The following EIF4E3 variants were observed in gnomAD, a reference collection of about 807,000 sequenced individuals.
EIF4E3 encodes the protein eukaryotic translation initiation factor 4E family member 3, also known as eukaryotic translation initiation factor 4E type 3.
Under a neutral mutation model 31.7 loss-of-function variants are expected in EIF4E3, and 26 were observed. The ratio of observed to expected loss-of-function variants is 0.82; its 90% CI spans 0.60 to 1.14. EIF4E3 has a LOEUF of 1.14. EIF4E3 is among the 50% of genes most tolerant of loss of function. EIF4E3 has a pLI of 0.00. For missense variants in EIF4E3, 304 were observed against 270.9 expected (o/e 1.12, Z -0.86); for synonymous variants, 128 against 107.7 (o/e 1.19, Z -1.17).
In EIF4E3 at chr3:71,725,190, A is replaced by G. The variant is rs1298231478; in HGVS notation, c.176+2T>C. 2 of 1,106,310 alleles carry G rather than the reference A, an allele frequency of 1.8e-6. No homozygotes were observed. Among genetic ancestry groups the G allele is most frequent in the Non-Finnish European group, 2.2e-6 (2 of 908,244 alleles). The allele number at this position is 1,106,310 out of a possible 1,614,324, so 68.5% of individuals were successfully genotyped here. A position where few individuals can be genotyped will look rare whatever the true frequency, so the allele number is the denominator to read the frequency against. ...TGCGCGGCGGGCCCCGCGCCCCCTC[A>G]CCTGTCGAGCCAGAAGGTCCAGGAC... is the stretch of plus-strand genomic sequence containing the variant. On this transcript the variant is annotated splice_donor_variant, in intron 1 of 6. Transcript: ENST00000425534. LOFTEE classifies it high-confidence loss of function. The surrounding 1 kb of genome is among the most constrained non-coding windows in gnomAD (Gnocchi z 6.1).
chr3:71,720,946 T>A (rs924264047), intron 1 of EIF4E3, among the ~76,000 whole-genome samples: 1 of 152,006 alleles, frequency 6.6e-6, no homozygotes, highest in African/African-American at 2.4e-5. Flanking sequence ...AGAAAGAAGA[T>A]TCAAGGATCA....
At chr3:71,659,585 G>GA in the EIF4E3 span, among the ~76,000 whole-genome samples, 1 of 152,176 alleles carries the variant, frequency 6.6e-6, no homozygotes, top group Non-Finnish European at 1.5e-5. Flanking sequence ...GGTGGAAGGA[G>GA]AAAGCGTGTC....
At chr3:71,712,922 C>T (rs1441112283) in intron 1 of EIF4E3, among the ~76,000 whole-genome samples, 2 of 151,218 alleles carry the variant, frequency 1.3e-5, no homozygotes, top group African/African-American at 4.9e-5. Context: ...CCTCCGTCTC[C>T]ACAGTCTGGT....
intron 3 of EIF4E3, among the ~76,000 whole-genome samples, chr3:71,698,509 C>A (rs1333503922): frequency 6.6e-6 from 1 of 152,178 alleles, no homozygotes; most frequent in Non-Finnish European, 1.5e-5. Context: ...CTCTAAAGAG[C>A]CACTTGCCCC....
At chr3:71,661,710 T>A in the EIF4E3 span, among the ~76,000 whole-genome samples, 1 of 152,332 alleles carries the variant, frequency 6.6e-6, no homozygotes, top group African/African-American at 2.4e-5. Context: ...ACAGGCATGA[T>A]AGACATCCTG....
At chr3:71,707,657 G>A (rs2049313005) in intron 2 of EIF4E3, among the ~76,000 whole-genome samples, 1 of 151,844 alleles carries the variant, frequency 6.6e-6, no homozygotes, top group African/African-American at 2.4e-5. Flanking sequence ...AATCACCTAT[G>A]ACGAAATTTT....
chr3:71,684,582 C>A lies in EIF4E3; in HGVS notation c.*100G>T. 1 of 1,446,342 alleles carries A rather than the reference C, an allele frequency of 6.9e-7. No individual in the cohort carries two copies. The highest frequency in any genetic ancestry group is 9.6e-7 in the Non-Finnish European group (1 of 1,040,508). 89.6% of individuals were successfully genotyped at this position (1,446,342 alleles called of 1,614,324 possible). On this transcript the variant is annotated 3_prime_UTR_variant, in exon 7 of 7. Transcript: ENST00000425534. ...AGGACAGAAACCCACTCTAAATTGACCAGCATCGGCTTCGGCAAGTCTTCT... is the reference window on the plus strand; with the variant it reads ...AGGACAGAAACCCACTCTAAATTGAACAGCATCGGCTTCGGCAAGTCTTCT...
At chr3:71,663,296 AT>A in the EIF4E3 span, among the ~76,000 whole-genome samples, 1 of 152,088 alleles carries the variant, frequency 6.6e-6, no homozygotes, top group Admixed American at 6.5e-5. Flanking sequence ...AATCGGGGAA[AT>A]TTTTTACCTT....
At chr3:71,667,124 A>G in the EIF4E3 span, among the ~76,000 whole-genome samples, 1 of 152,212 alleles carries the variant, frequency 6.6e-6, no homozygotes, top group South Asian at 2.1e-4. Context: ...AATGTAATCC[A>G]TCACATAAAC....
chr3:71,754,603 G>A, upstream of EIF4E3: 1 of 1,443,402 alleles, frequency 6.9e-7, no homozygotes, highest in Non-Finnish European at 9.1e-7. This position sits in a 1 kb window ranked among gnomAD's most constrained non-coding sequence, Gnocchi z 5.8. Flanking sequence ...GGCGCGCTGG[G>A]CTTCCTGCTG....
chr3:71,686,253 G>C (rs932107915), intron 6 of EIF4E3, among the ~76,000 whole-genome samples: 5 of 152,272 alleles, frequency 3.3e-5, no homozygotes, highest in Admixed American at 3.3e-4. Context: ...GACTCCCAAA[G>C]TGCTGGGATT....
At position 71,732,628 on chromosome 3, in the gene EIF4E3, G is replaced by T. The variant is rs143575904; in HGVS notation, c.-290-4005C>A. Among the ~76,000 whole-genome samples the T allele has an allele frequency of 6.0e-3, 910 of 152,318 alleles. 2 individuals are homozygous for T. The highest frequency in any genetic ancestry group is 0.01 in the Middle Eastern group (3 of 294). On this transcript the variant is annotated intron_variant, in intron 1 of 7. Transcript: ENST00000295612. ...TGCCAATCACTGGCTTCTTATCAAA[G>T]AGTAGTTCTGAACATTCCTGGCCAG...
chr3:71,711,626 ACAGTCCTTGAACTATGAAC>A, intron 1 of EIF4E3, among the ~76,000 whole-genome samples: 1 of 152,240 alleles, frequency 6.6e-6, no homozygotes, highest in Non-Finnish European at 1.5e-5. Flanking sequence ...AGCAAGGACT[ACAGTCCTTGAACTATGAAC>A]CAGTGAATGC....
At chr3:71,712,913 C>T (rs537320850) in intron 1 of EIF4E3, among the ~76,000 whole-genome samples, 197 of 150,122 alleles carry the variant, frequency 1.3e-3, no homozygotes, top group African/African-American at 4.6e-3. Context: ...TTTTAAATGC[C>T]TCCGTCTCCA....
intron 1 of EIF4E3, among the ~76,000 whole-genome samples, chr3:71,744,002 A>C (rs937834631): frequency 6.6e-6 from 1 of 152,198 alleles, no homozygotes; most frequent in Non-Finnish European, 1.5e-5. Flanking sequence ...TTCTAGAAGA[A>C]AACATAGGAG....
chr3:71,681,739 T>C lies in EIF4E3; in HGVS notation c.*2943A>G, dbSNP rs1362401217. The C allele has an allele frequency of 6.6e-6, 1 of 152,224 alleles. No homozygotes were observed. Among genetic ancestry groups the C allele is most frequent in the African/African-American group, 2.4e-5 (1 of 41,454 alleles). 9.4% of individuals were successfully genotyped at this position (152,224 alleles called of 1,614,324 possible). A position where few individuals can be genotyped will look rare whatever the true frequency, so the allele number is the denominator to read the frequency against. On this transcript the variant is annotated 3_prime_UTR_variant, in exon 7 of 7. Coordinates refer to ENST00000425534, the MANE Select transcript of EIF4E3 (RefSeq NM_001134651.2). ...CGGCCAAGGCTCAGTTGGTGGATTG[T>C]ATATTATGTCTATAGGACCCAATTA... is the stretch of plus-strand genomic sequence containing the variant.
At chr3:71,663,625 C>G in the EIF4E3 span, among the ~76,000 whole-genome samples, 3 of 152,170 alleles carry the variant, frequency 2.0e-5, no homozygotes, top group African/African-American at 7.2e-5. Flanking sequence ...GGGTGAGGAC[C>G]CCCATCTGCA....
rs1460695368 is a variant in EIF4E3, at chr3:71,699,705, A to G, written c.253T>C (p.Phe85Leu). 2 of 1,610,486 alleles carry G rather than the reference A, an allele frequency of 1.2e-6. No individual in the cohort carries two copies. ...GGGATATTATTGTATACACTCCAAA[A>G]TATCTTTAAAAGAAAAACAAACACT... ...KIYTVQTVQI[F>L]WSVYNNIPPV... The change falls in exon 3 of 7, where the codon TTT becomes CTT. Residue 85 changes from phenylalanine to leucine, a missense_variant. Phe to Leu is a conservative substitution (Grantham distance 22). Transcript: ENST00000425534.
chr3:71,725,203 GA>G lies in EIF4E3; in HGVS notation c.164del (p.Phe55SerfsTer19). On this transcript the variant is annotated frameshift_variant, in exon 1 of 7. Transcript: ENST00000425534. LOFTEE classifies it high-confidence loss of function. The surrounding 1 kb of genome is among the most constrained non-coding windows in gnomAD (Gnocchi z 6.1). ...CCGCGCCCCCTCACCTGTCGAGCCA[GA>G]AGGTCCAGGACGAGTGCAGCGGGAC... The part of the protein sequence containing the change: ...GGVPLHSSWT[F>X]WLDRSLPGAT... The G allele has an allele frequency of 8.9e-7, 1 of 1,124,784 alleles. No homozygotes were observed. 69.7% of individuals were successfully genotyped at this position (1,124,784 alleles called of 1,614,324 possible).
Sources: allele counts gnomAD v4.1 joint callset (sites outside exome capture counted in the v4.1 genomes callset), GRCh38; gene constraint gnomAD v4.1.1; non-coding constraint Gnocchi (gnomAD v3.1); transcripts MANE v1.5; gene names NCBI Gene and HGNC (gene_info 2026-07-23, HGNC 2026-07-21).